Variants in ANKFN1 observed in about 807,000 individuals in gnomAD.
The protein encoded by ANKFN1 is ankyrin repeat and fibronectin type-III domain-containing protein 1.
Under a neutral mutation model 108.7 loss-of-function variants are expected in ANKFN1, and 74 were observed. That is an observed-to-expected ratio of 0.68 (90% CI 0.56 to 0.83). ANKFN1 has a LOEUF of 0.83. Among genes scored for constraint, ANKFN1 ranks in the 40% least tolerant of loss-of-function variants. ANKFN1 has a pLI of 0.00. For missense variants in ANKFN1, 1,505 were observed against 1,382.3 expected (o/e 1.09, Z -1.41); for synonymous variants, 547 against 516.2 (o/e 1.06, Z -0.81).
rs555065385 is a variant in ANKFN1 at position 56,086,507 on chromosome 17, T to C, written c.288+40182T>C. Among the ~76,000 whole-genome samples the C allele has an allele frequency of 5.2e-4, 79 of 151,566 alleles. 3 individuals are homozygous for C. Among genetic ancestry groups the C allele is most frequent in the African/African-American group, 1.9e-3 (78 of 41,378 alleles). On this transcript the variant is annotated intron_variant, in intron 4 of 12. Coordinates refer to the ANKFN1 transcript ENST00000635860. ...TTCAAAGTTCACATTTCCAATGTCT[T>C]CTCTTGCCACTCTCCCCATTTGTCA...
At chr17:56,186,898 C>T (rs1307973728) in intron 1 of ANKFN1, among the ~76,000 whole-genome samples, 1 of 152,194 alleles carries the variant, frequency 6.6e-6, no homozygotes, top group Non-Finnish European at 1.5e-5. Context: ...AAAGCTGAAA[C>T]TGGATCTCTT....
intron 3 of ANKFN1, among the ~76,000 whole-genome samples, chr17:56,229,179 T>A (rs1009574195): frequency 3.3e-5 from 5 of 152,152 alleles, no homozygotes; most frequent in African/African-American, 1.2e-4. Flanking sequence ...TTCACTGATA[T>A]TTTTTAAAAT....
intron 3 of ANKFN1, among the ~76,000 whole-genome samples, chr17:56,234,721 A>G (rs1916983817): frequency 6.6e-6 from 1 of 152,146 alleles, no homozygotes; most frequent in Admixed American, 6.6e-5. Flanking sequence ...CATGGTATAT[A>G]TGTACCACAT....
At chr17:56,237,999 G>T (rs923988221) in intron 3 of ANKFN1, among the ~76,000 whole-genome samples, 8 of 152,124 alleles carry the variant, frequency 5.3e-5, no homozygotes, top group Non-Finnish European at 1.0e-4. Flanking sequence ...TAGTTTCAAA[G>T]AACTTCTTGG....
At chr17:56,102,083 G>A (rs913709201) in intron 4 of ANKFN1, among the ~76,000 whole-genome samples, 29 of 152,258 alleles carry the variant, frequency 1.9e-4, no homozygotes, top group African/African-American at 4.3e-4. Flanking sequence ...CACCTCCAAC[G>A]CTTGGGAAAT....
At chr17:56,238,790 G>A (rs528242310) in intron 3 of ANKFN1, among the ~76,000 whole-genome samples, 67 of 152,160 alleles carry the variant, frequency 4.4e-4, no homozygotes, top group African/African-American at 1.4e-3. Flanking sequence ...TGTGTTTAAC[G>A]AATAGCTTAC....
At chr17:56,422,277 G>T (rs1391626832) in intron 8 of ANKFN1, among the ~76,000 whole-genome samples, 3 of 152,080 alleles carry the variant, frequency 2.0e-5, no homozygotes, top group African/African-American at 7.2e-5. Flanking sequence ...GTTTTATTGG[G>T]TTTCCTTGGC....
chr17:56,086,569 C>T (rs977542312), intron 4 of ANKFN1, among the ~76,000 whole-genome samples: 7 of 151,372 alleles, frequency 4.6e-5, no homozygotes, highest in Non-Finnish European at 8.9e-5. Flanking sequence ...AGGTTTTTAT[C>T]AGGCTAGCCA....
intron 8 of ANKFN1, among the ~76,000 whole-genome samples, chr17:56,432,610 G>A (rs1310419845): frequency 6.6e-6 from 1 of 152,222 alleles, no homozygotes; most frequent in Non-Finnish European, 1.5e-5. Context: ...CCTGCAGGCT[G>A]TGTCCTTCAC....
intron 8 of ANKFN1, among the ~76,000 whole-genome samples, chr17:56,424,741 G>A (rs967319132): frequency 6.6e-6 from 1 of 152,102 alleles, no homozygotes; most frequent in African/African-American, 2.4e-5. Context: ...TCTGCAAAGG[G>A]GAAACTTTTC....
chr17:56,361,758 G>A (rs1234597038), intron 6 of ANKFN1, among the ~76,000 whole-genome samples: 1 of 152,038 alleles, frequency 6.6e-6, no homozygotes, highest in East Asian at 1.9e-4. Context: ...GATTGAGCTA[G>A]AGGACCCCAC....
chr17:56,176,957 T>C (rs16956842), intron 1 of ANKFN1, among the ~76,000 whole-genome samples: 36,085 of 152,126 alleles, frequency 0.24, 6,533 homozygotes, highest in African/African-American at 0.51. Flanking sequence ...TAAAGAATGT[T>C]ACTCAATCCT....
intron 3 of ANKFN1, among the ~76,000 whole-genome samples, chr17:56,313,215 G>A (rs1419749090): frequency 1.3e-5 from 2 of 151,270 alleles, no homozygotes; most frequent in African/African-American, 4.9e-5. Flanking sequence ...TGAGGGAAGG[G>A]TATTTCCTCT....
In ANKFN1 at chr17:56,074,967, A is replaced by G. The variant is rs965535672; in HGVS notation, c.288+28642A>G. 6.6e-5 allele frequency among the ~76,000 whole-genome samples: 10 copies of G among 152,304 alleles called. 1 individual carries two copies. The highest frequency in any genetic ancestry group is 6.5e-4 in the Admixed American group (10 of 15,306). On this transcript the variant is annotated intron_variant, in intron 4 of 12. Transcript: ENST00000635860. ...TTATCATGTGCAAATCAGGTTCACA[A>G]CAACCTTGTCAGGTAAAGCAAGAAG...
intron 20 of ANKFN1, among the ~76,000 whole-genome samples, chr17:56,503,428 T>G (rs1412774922): frequency 6.8e-6 from 1 of 146,040 alleles, no homozygotes; most frequent in East Asian, 2.0e-4. Context: ...TCTTCATTTA[T>G]AAATTATTTA....
At chr17:56,268,320 C>T (rs372050111) in intron 3 of ANKFN1, among the ~76,000 whole-genome samples, 9 of 152,148 alleles carry the variant, frequency 5.9e-5, no homozygotes, top group African/African-American at 2.2e-4. Flanking sequence ...CAATCTGCTC[C>T]TGAATGACCT....
intron 6 of ANKFN1, among the ~76,000 whole-genome samples, chr17:56,355,701 G>A (rs756383623): frequency 1.4e-4 from 22 of 152,252 alleles, no homozygotes; most frequent in South Asian, 8.3e-4. Flanking sequence ...CATTTTAGTG[G>A]TGCAGGAGAC....
chr17:56,056,617 A>G lies in ANKFN1; in HGVS notation c.288+10292A>G, dbSNP rs28866321. On this transcript the variant is annotated intron_variant, in intron 4 of 12. Transcript: ENST00000635860. ...AAATGGTGCTGGGAAAACTGGCTAG[A>G]CATATGCAGAAGAATGAAACTGGAC... is the stretch of plus-strand genomic sequence containing the variant. 5.9e-3 allele frequency among the ~76,000 whole-genome samples: 897 copies of G among 152,286 alleles called. 10 individuals carry two copies. Among genetic ancestry groups the G allele is most frequent in the African/African-American group, 0.021 (859 of 41,574 alleles).
At chr17:56,498,107 A>C (rs2051257148) in intron 19 of ANKFN1, among the ~76,000 whole-genome samples, 1 of 152,180 alleles carries the variant, frequency 6.6e-6, no homozygotes, top group African/African-American at 2.4e-5. Context: ...CCAAAAATCA[A>C]AATGGAACAA....
Sources: gnomAD v4.1 joint callset for allele counts (sites outside exome capture counted in the v4.1 genomes callset) on GRCh38, gnomAD v4.1.1 for gene constraint, MANE v1.5 for transcripts, NCBI Gene and HGNC (gene_info 2026-07-23, HGNC 2026-07-21) for gene names.